SCOC: variants seen among roughly 807,000 people sequenced by gnomAD.
SCOC encodes the protein short coiled coil protein.
In SCOC, 7 loss-of-function variants were observed where a neutral mutation model predicts 9.9. That is an observed-to-expected ratio of 0.71 (90% CI 0.40 to 1.33). SCOC has a LOEUF of 1.33. Ranked by LOEUF, SCOC falls within the 40% of genes most tolerant of loss-of-function variation. The pLI is 0.01. For missense variants in SCOC, 66 were observed against 89.7 expected, an observed-to-expected ratio of 0.74 and a Z score of 1.07; for synonymous variants, 19 against 28.2, an observed-to-expected ratio of 0.67 and a Z score of 1.03.
chr4:140,309,448 GCC>G (rs1231870858), intron 1 of SCOC, among the ~76,000 whole-genome samples: 2 of 152,110 alleles, frequency 1.3e-5, no homozygotes, highest in African/African-American at 4.8e-5. Flanking sequence ...CTTCTGCTGG[GCC>G]CCCTTCTAAC....
chr4:140,346,300 A>G (rs1297913870), intron 2 of SCOC, among the ~76,000 whole-genome samples: 4 of 152,192 alleles, frequency 2.6e-5, no homozygotes, highest in Admixed American at 6.5e-5. Context: ...CCAGAAAGAC[A>G]TCGGCTACTG....
chr4:140,335,012 A>G (rs775589064), intron 1 of SCOC, among the ~76,000 whole-genome samples: 1 of 152,202 alleles, frequency 6.6e-6, no homozygotes, highest in African/African-American at 2.4e-5. Context: ...AAGACATTAT[A>G]CAAAGTGATT....
rs1346170801 is a variant in SCOC at position 140,257,962 on chromosome 4, T to A, written c.-19+552T>A. ...AGCACAGGCGGAATTGGTGACAAGC[T>A]GGCAGAAACTCCAATCCCAGGCATG... On this transcript the variant is annotated intron_variant, in intron 1 of 4. Coordinates refer to the SCOC transcript ENST00000394205. Among the ~76,000 whole-genome samples the A allele has an allele frequency of 2.6e-5, 4 of 152,246 alleles. No homozygotes were observed. In the East Asian group the frequency reaches 7.7e-4, roughly 29 times the overall value.
At chr4:140,286,890 G>A (rs1010502344) in intron 1 of SCOC, among the ~76,000 whole-genome samples, 8 of 152,244 alleles carry the variant, frequency 5.3e-5, no homozygotes, top group African/African-American at 1.9e-4. Flanking sequence ...AGAGAAAGAA[G>A]AGATACTAGC....
At chr4:140,273,975 A>T (rs749328253) in intron 1 of SCOC, among the ~76,000 whole-genome samples, 11 of 152,234 alleles carry the variant, frequency 7.2e-5, no homozygotes, top group Non-Finnish European at 1.6e-4. Flanking sequence ...TAAGTCTCAG[A>T]GGTCAAAAAA....
intron 3 of SCOC, 49 bp downstream of exon 3, chr4:140,379,701 C>G: frequency 7.2e-7 from 1 of 1,385,908 alleles, no homozygotes; most frequent in Non-Finnish European, 1.0e-6. Flanking sequence ...ATTAATTGAA[C>G]TTGTAAAAAT....
rs577565193 is a variant in SCOC, at chr4:140,309,881, T to G, written c.-18-33740T>G. Among the ~76,000 whole-genome samples the G allele has an allele frequency of 2.0e-5, 3 of 152,272 alleles. No individual in the cohort carries two copies. In the South Asian group the frequency reaches 6.2e-4, roughly 32 times the overall value. On this transcript the variant is annotated intron_variant, in intron 1 of 4. Transcript: ENST00000394205. ...TCTCTTTCAAAATCTCCAGCCTAGG[T>G]TGCCTCTCTTGACACTCCCTCCTTC... is the stretch of plus-strand genomic sequence containing the variant.
chr4:140,312,859 T>C (rs1732195734), intron 1 of SCOC, among the ~76,000 whole-genome samples: 2 of 152,234 alleles, frequency 1.3e-5, no homozygotes, highest in Non-Finnish European at 2.9e-5. Context: ...TTTTGCTGAA[T>C]TTTTAAGAAA....
intron 2 of SCOC, among the ~76,000 whole-genome samples, chr4:140,349,609 A>G (rs938341106): frequency 7.9e-5 from 12 of 152,162 alleles, no homozygotes; most frequent in Non-Finnish European, 1.6e-4. Context: ...ATTTTAATTA[A>G]TGGCCCCACC....
chr4:140,260,952 C>T (rs2137266), intron 1 of SCOC, among the ~76,000 whole-genome samples: 5,056 of 152,244 alleles, frequency 0.033, 106 homozygotes, highest in Middle Eastern at 0.058. Context: ...TCCTTACATA[C>T]ATATTTTTAG....
chr4:140,335,039 G>T (rs955589706), intron 1 of SCOC, among the ~76,000 whole-genome samples: 2 of 152,212 alleles, frequency 1.3e-5, no homozygotes, highest in African/African-American at 4.8e-5. Context: ...CTTGGTATGT[G>T]TGTATGTTTA....
chr4:140,274,114 A>C (rs776054333), intron 1 of SCOC, among the ~76,000 whole-genome samples: 1 of 152,240 alleles, frequency 6.6e-6, no homozygotes. Context: ...GAAAAGAAGC[A>C]ATTCCTAAGC....
At chr4:140,350,605 G>T (rs1422246019) in intron 2 of SCOC, among the ~76,000 whole-genome samples, 4 of 152,166 alleles carry the variant, frequency 2.6e-5, no homozygotes, top group Non-Finnish European at 4.4e-5. Flanking sequence ...GGCAGGACCT[G>T]GTTATTTGAA....
At chr4:140,373,616 T>G, upstream of SCOC, 1 of 1,551,676 alleles carries the variant, frequency 6.4e-7, no homozygotes, top group Non-Finnish European at 8.7e-7. Flanking sequence ...CGGCGCACGT[T>G]CTGTGGGCGG....
At chr4:140,319,791 T>C (rs1732444498) in intron 1 of SCOC, among the ~76,000 whole-genome samples, 1 of 151,446 alleles carries the variant, frequency 6.6e-6, no homozygotes, top group African/African-American at 2.4e-5. Flanking sequence ...TTAACAACTT[T>C]TTTGAACCTA....
chr4:140,286,362 A>G (rs1176102531), intron 1 of SCOC, among the ~76,000 whole-genome samples: 1 of 133,162 alleles, frequency 7.5e-6, no homozygotes, highest in Non-Finnish European at 1.5e-5. Flanking sequence ...TTAAAGGCTG[A>G]AAAAAAAAAA....
chr4:140,290,605 G>C (rs1731443361), intron 1 of SCOC, among the ~76,000 whole-genome samples: 1 of 152,216 alleles, frequency 6.6e-6, no homozygotes, highest in Non-Finnish European at 1.5e-5. Flanking sequence ...CTGAGGCCAG[G>C]AGTTCGACAC....
At chr4:140,266,672 G>C (rs930053550) in intron 1 of SCOC, among the ~76,000 whole-genome samples, 2 of 152,080 alleles carry the variant, frequency 1.3e-5, no homozygotes, top group African/African-American at 4.8e-5. Context: ...AAAGGTGTTA[G>C]AGTCTAGACT....
intron 2 of SCOC, among the ~76,000 whole-genome samples, chr4:140,366,056 T>C (rs1473520981): frequency 3.3e-5 from 5 of 152,216 alleles, no homozygotes; most frequent in Non-Finnish European, 7.3e-5. Flanking sequence ...ATTTTTATCA[T>C]AAATGGTTAC....
Sources: allele counts gnomAD v4.1 joint callset (sites outside exome capture counted in the v4.1 genomes callset), GRCh38; gene constraint gnomAD v4.1.1; transcripts MANE v1.5; gene names NCBI Gene and HGNC (gene_info 2026-07-23, HGNC 2026-07-21).